The following SRGAP2B variants were observed in gnomAD, a reference collection of about 807,000 sequenced individuals.
SRGAP2B encodes the protein SLIT-ROBO Rho GTPase-activating protein 2B.
SRGAP2B carries 9 observed loss-of-function variants against 22.2 expected under a neutral mutation model. The ratio of observed to expected loss-of-function variants is 0.41; its 90% CI spans 0.24 to 0.71. The LOEUF (loss-of-function observed/expected upper bound fraction) is 0.71. Ranked by LOEUF, SRGAP2B falls within the 30% of genes least tolerant of loss-of-function variation. The pLI is 0.35. For synonymous variants in SRGAP2B, 36 were observed against 87.4 expected (o/e 0.41, Z 3.28); for missense variants, 114 against 235.8 (o/e 0.48, Z 3.38).
At chr1:145,093,975 A>G (rs1206005196) in intron 1 of SRGAP2B, among the ~76,000 whole-genome samples, 1 of 149,114 alleles carries the variant, frequency 6.7e-6, no homozygotes, top group Non-Finnish European at 1.5e-5. Context: ...GCAAATCTGC[A>G]GGAAAAAGCC....
rs184114378 is a variant in SRGAP2B at position 144,960,367 on chromosome 1, G to A, written c.261-4766C>T. Among the ~76,000 whole-genome samples, 5 of 150,888 alleles carry A rather than the reference G, an allele frequency of 3.3e-5. No homozygotes were observed. In the East Asian group the frequency reaches 9.7e-4, roughly 29 times the overall value. Reference sequence around the variant, plus strand: ...GAGGGAATGACTCTGGAGTCGAAAGGAGACCCGGAAAGTCACATGCTGCCT... The same window carrying A: ...GAGGGAATGACTCTGGAGTCGAAAGAAGACCCGGAAAGTCACATGCTGCCT... On this transcript the variant is annotated intron_variant, in intron 3 of 9. Coordinates refer to ENST00000612199, the Ensembl canonical transcript of SRGAP2B.
At chr1:144,920,521 C>T (rs1196387644) in intron 4 of SRGAP2B, among the ~76,000 whole-genome samples, 1 of 149,946 alleles carries the variant, frequency 6.7e-6, no homozygotes, top group Non-Finnish European at 1.5e-5. Context: ...AATCCTCCTG[C>T]CTCAGCTTCC....
chr1:144,973,352 C>CT (rs1197030794), intron 3 of SRGAP2B, among the ~76,000 whole-genome samples: 1 of 120,870 alleles, frequency 8.3e-6, no homozygotes, highest in Non-Finnish European at 1.6e-5. Context: ...TCGTTTTTTT[C>CT]TTTTTTTCTT....
intron 4 of SRGAP2B, among the ~76,000 whole-genome samples, chr1:144,943,129 A>T (rs1553607730): frequency 7.5e-6 from 1 of 133,134 alleles, no homozygotes; most frequent in East Asian, 2.0e-4. Context: ...TTAACAACAC[A>T]AGTAAACAAC....
At chr1:145,094,369 T>C (rs1183408451) in intron 1 of SRGAP2B, among the ~76,000 whole-genome samples, 5 of 4,186 alleles carry the variant, frequency 1.2e-3, no homozygotes, top group Non-Finnish European at 2.2e-3. Context: ...CCTTTCTACT[T>C]GGTCTTTCCT....
At chr1:144,947,395 C>CT (rs1390124373) in intron 4 of SRGAP2B, among the ~76,000 whole-genome samples, 1 of 121,046 alleles carries the variant, frequency 8.3e-6, no homozygotes, top group Admixed American at 8.6e-5. Context: ...ACATGCACTG[C>CT]TTTTAGTTTT....
intron 3 of SRGAP2B, among the ~76,000 whole-genome samples, chr1:144,992,798 C>CATTT (rs1298817951): frequency 1.2e-4 from 18 of 146,232 alleles, no homozygotes; most frequent in Non-Finnish European, 1.6e-4. Context: ...TTCATTCATT[C>CATTT]ATTTATTTAT....
intron 4 of SRGAP2B, among the ~76,000 whole-genome samples, chr1:144,922,563 A>T (rs1664332222): frequency 6.6e-6 from 1 of 150,850 alleles, no homozygotes; most frequent in Non-Finnish European, 1.5e-5. Flanking sequence ...ACAAAGAAAG[A>T]TGATAAAAAG....
chr1:145,093,938 G>A (rs1460980899), intron 1 of SRGAP2B, among the ~76,000 whole-genome samples: 4 of 149,258 alleles, frequency 2.7e-5, no homozygotes, highest in Admixed American at 2.6e-4. Context: ...GCTTCTCTTG[G>A]CAGCAAAATG....
At chr1:144,966,755 GC>G (rs1181068047) in intron 3 of SRGAP2B, among the ~76,000 whole-genome samples, 1 of 148,064 alleles carries the variant, frequency 6.8e-6, no homozygotes, top group Non-Finnish European at 1.5e-5. Context: ...CTTCTCACGT[GC>G]AGAGACACAC....
chr1:144,964,953 G>A (rs1303017065), intron 3 of SRGAP2B: 26 of 1,143,760 alleles, frequency 2.3e-5, no homozygotes, highest in Non-Finnish European at 3.0e-5. Context: ...GTAGAGGGAG[G>A]ACACAGAGCC....
At chr1:144,934,403 C>CAAAAAAAA (rs782588401) in intron 4 of SRGAP2B, among the ~76,000 whole-genome samples, 18 of 40,684 alleles carry the variant, frequency 4.4e-4, no homozygotes, top group African/African-American at 1.7e-3. Flanking sequence ...AACTCCATCT[C>CAAAAAAAA]AAAAAAAAAA....
In SRGAP2B at chr1:144,965,210, C is replaced by T. The variant is rs587664628; in HGVS notation, c.261-9609G>A. Reference sequence around the variant, plus strand: ...CTCCGGTCTACAGCTCCAGCGTGAGCGACACAGAAGACGGGTGATTTCTGC... The same window carrying T: ...CTCCGGTCTACAGCTCCAGCGTGAGTGACACAGAAGACGGGTGATTTCTGC... On this transcript the variant is annotated intron_variant, in intron 3 of 9. Transcript: ENST00000612199. 2.6e-3 allele frequency: 2,392 copies of T among 931,844 alleles called. 17 individuals are homozygous for T. Among genetic ancestry groups the T allele is most frequent in the Non-Finnish European group, 3.4e-3 (1,975 of 581,746 alleles). 57.7% of individuals were successfully genotyped at this position (931,844 alleles called of 1,614,324 possible). A position where few individuals can be genotyped will look rare whatever the true frequency, so the allele number is the denominator to read the frequency against.
intron 2 of SRGAP2B, among the ~76,000 whole-genome samples, chr1:145,083,253 C>A (rs1320495166): frequency 7.3e-6 from 1 of 137,304 alleles, no homozygotes; most frequent in East Asian, 2.0e-4. Context: ...GGAAGAGGAC[C>A]CATTCCAAAG....
chr1:144,930,749 G>A (rs1665111300), intron 4 of SRGAP2B, among the ~76,000 whole-genome samples: 1 of 148,706 alleles, frequency 6.7e-6, no homozygotes, highest in Admixed American at 6.7e-5. Context: ...GCCATACGCT[G>A]TTCATTTCTC....
chr1:144,979,110 T>C (rs1158735074), intron 3 of SRGAP2B, among the ~76,000 whole-genome samples: 1 of 151,782 alleles, frequency 6.6e-6, no homozygotes, highest in East Asian at 1.9e-4. Flanking sequence ...TGGCGCGATC[T>C]CGACTCACTG....
intron 7 of SRGAP2B, among the ~76,000 whole-genome samples, chr1:144,904,698 C>CAAA (rs1192600476): frequency 8.9e-4 from 15 of 16,936 alleles, no homozygotes; most frequent in Non-Finnish European, 1.3e-3. Flanking sequence ...GACTCTATCT[C>CAAA]AAAAAAAAAA....
chr1:144,965,283 C>A (rs1426698432), intron 3 of SRGAP2B: 3 of 435,744 alleles, frequency 6.9e-6, no homozygotes, highest in African/African-American at 4.4e-5. Flanking sequence ...CAGCACGCAG[C>A]TGGAGATCTG....
At chr1:145,093,724 C>T (rs1320656162) in intron 1 of SRGAP2B, among the ~76,000 whole-genome samples, 2 of 149,094 alleles carry the variant, frequency 1.3e-5, no homozygotes, top group South Asian at 2.1e-4. Context: ...GGCACCTCGG[C>T]GGCCTGCTGA....
Sources: gnomAD v4.1 joint callset for allele counts (sites outside exome capture counted in the v4.1 genomes callset) on GRCh38, gnomAD v4.1.1 for gene constraint, MANE v1.5 for transcripts, NCBI Gene and HGNC (gene_info 2026-07-23, HGNC 2026-07-21) for gene names.